The following ZPLD1 variants were observed in gnomAD, a reference collection of about 807,000 sequenced individuals.
ZPLD1 encodes zona pellucida-like domain-containing protein 1.
Under a neutral mutation model 47.2 loss-of-function variants are expected in ZPLD1, and 34 were observed. The observed-to-expected ratio is 0.72, with a 90% CI of 0.55 to 0.96. ZPLD1 has a LOEUF of 0.96. ZPLD1 is among the 40% of genes least tolerant of loss of function. ZPLD1 has a pLI of 0.00. For synonymous variants in ZPLD1, 176 were observed against 186.2 expected (o/e 0.95, Z 0.45); for missense variants, 512 against 505.8 (o/e 1.01, Z -0.12).
chr3:102,458,520 A>G (rs569669857), intron 6 of ZPLD1, among the ~76,000 whole-genome samples: 2 of 152,326 alleles, frequency 1.3e-5, no homozygotes, highest in South Asian at 2.1e-4. Context: ...TTTTCAATCT[A>G]TCAACCAACA....
intron 7 of ZPLD1, among the ~76,000 whole-genome samples, chr3:102,407,233 T>C (rs1248584898): frequency 6.6e-6 from 1 of 151,036 alleles, no homozygotes; most frequent in Non-Finnish European, 1.5e-5. Context: ...CTGAAAAGTC[T>C]TCATTCTTCC....
chr3:102,438,649 A>G, intron 3 of ZPLD1, 56 bp downstream of exon 3: 3 of 1,344,832 alleles, frequency 2.2e-6, no homozygotes, highest in Non-Finnish European at 3.2e-6. Context: ...ATTATATTTG[A>G]AGAGCAAGTC....
At chr3:102,429,541 TG>T (rs937790436) in intron 8 of ZPLD1, among the ~76,000 whole-genome samples, 6 of 152,180 alleles carry the variant, frequency 3.9e-5, no homozygotes, top group Non-Finnish European at 7.4e-5. Flanking sequence ...TTTACTGGAT[TG>T]GGGGGGAAAG....
rs975465699 is a variant in ZPLD1 at position 102,469,070 on chromosome 3, T to G, written c.868T>G (p.Ser290Ala). Residue 290 changes from serine to alanine, a missense_variant, in exon 9 of 12, where the codon TCC becomes GCC. By Grantham distance (99) the Ser-to-Ala change is moderately conservative. Transcript: ENST00000466937. ...TGTGAAACACAAGAATCAGAAAATG[T>G]CCACTGTCTTCTTGCACTGCGTTAC... Reference protein sequence around the residue: ...RFVKHKNQKMSTVFLHCVTKL... With the variant: ...RFVKHKNQKMATVFLHCVTKL... 6.2e-7 allele frequency: 1 copy of G among 1,614,066 alleles called. No homozygotes were observed. Among genetic ancestry groups the G allele is most frequent in the African/African-American group, 1.3e-5 (1 of 74,940 alleles).
At chr3:102,437,764 T>G (rs1342055386) in intron 2 of ZPLD1, among the ~76,000 whole-genome samples, 1 of 152,226 alleles carries the variant, frequency 6.6e-6, no homozygotes, top group African/African-American at 2.4e-5. Context: ...TAAAAAAATC[T>G]TCCATTACTT....
chr3:102,429,096 A>G (rs936042131), intron 8 of ZPLD1, among the ~76,000 whole-genome samples: 9 of 152,160 alleles, frequency 5.9e-5, no homozygotes, highest in African/African-American at 2.2e-4. Context: ...ATTTGCAGCC[A>G]TCATGCAACA....
chr3:102,405,978 T>C (rs1706676581), intron 7 of ZPLD1, among the ~76,000 whole-genome samples: 1 of 152,012 alleles, frequency 6.6e-6, no homozygotes, highest in South Asian at 2.1e-4. Flanking sequence ...AAAGCTATTT[T>C]GTTTTTATTT....
chr3:102,440,439 G>T (rs908518712), intron 3 of ZPLD1, among the ~76,000 whole-genome samples: 2 of 152,092 alleles, frequency 1.3e-5, no homozygotes, highest in African/African-American at 2.4e-5. Flanking sequence ...TTTTTAACTG[G>T]AACAACTGGA....
intron 6 of ZPLD1, among the ~76,000 whole-genome samples, chr3:102,389,669 G>C (rs1445068883): frequency 1.3e-5 from 2 of 152,126 alleles, no homozygotes; most frequent in Non-Finnish European, 2.9e-5. Context: ...TTTTGTATGG[G>C]TCTAGGTTAA....
chr3:102,470,840 G>A (rs1707672836), intron 10 of ZPLD1, among the ~76,000 whole-genome samples: 1 of 151,996 alleles, frequency 6.6e-6, no homozygotes, highest in South Asian at 2.1e-4. Flanking sequence ...GTGCAGTGGT[G>A]TGATCTCGGC....
intron 7 of ZPLD1, among the ~76,000 whole-genome samples, chr3:102,393,686 A>G (rs1193074154): frequency 6.6e-6 from 1 of 152,232 alleles, no homozygotes; most frequent in East Asian, 1.9e-4. Flanking sequence ...CTTAGGTTTG[A>G]AAGCTAGTTT....
intron 9 of ZPLD1, 53 bp downstream of exon 9, chr3:102,469,188 G>A (rs894652349): frequency 7.8e-6 from 12 of 1,542,486 alleles, no homozygotes; most frequent in East Asian, 2.3e-5. Flanking sequence ...TAAGCTGAAA[G>A]GTTATCAAAT....
At chr3:102,461,467 G>C (rs1325734372) in intron 6 of ZPLD1, among the ~76,000 whole-genome samples, 3 of 151,896 alleles carry the variant, frequency 2.0e-5, no homozygotes, top group African/African-American at 4.8e-5. Context: ...CCAAAATAAG[G>C]GTAGAAAAGT....
chr3:102,446,529 C>G (rs1246991814), intron 3 of ZPLD1, among the ~76,000 whole-genome samples: 1 of 152,048 alleles, frequency 6.6e-6, no homozygotes, highest in Non-Finnish European at 1.5e-5. Context: ...GCTTGAATGT[C>G]TCATATGTAA....
chr3:102,476,600 G>A (rs774103094), intron 10 of ZPLD1, among the ~76,000 whole-genome samples: 19 of 151,994 alleles, frequency 1.3e-4, no homozygotes, highest in African/African-American at 3.6e-4. Flanking sequence ...TGAATATTCC[G>A]TATAACAGAA....
At chr3:102,411,900 A>G (rs1480393591) in intron 7 of ZPLD1, among the ~76,000 whole-genome samples, 2 of 151,788 alleles carry the variant, frequency 1.3e-5, no homozygotes, top group Non-Finnish European at 2.9e-5. Flanking sequence ...ATCAATTTAT[A>G]TATCTATCTA....
chr3:102,443,036 G>C (rs1707205066), intron 3 of ZPLD1, among the ~76,000 whole-genome samples: 3 of 152,168 alleles, frequency 2.0e-5, no homozygotes, highest in Admixed American at 1.3e-4. Flanking sequence ...TGGCCTTTGT[G>C]ACTAGTGTAT....
chr3:102,406,987 A>G (rs1359313251), intron 7 of ZPLD1, among the ~76,000 whole-genome samples: 1 of 151,902 alleles, frequency 6.6e-6, no homozygotes, highest in African/African-American at 2.4e-5. Flanking sequence ...TTGTGATTAC[A>G]TATCCAAGTG....
chr3:102,437,516 C>T (rs1707108178), intron 2 of ZPLD1, among the ~76,000 whole-genome samples: 1 of 152,060 alleles, frequency 6.6e-6, no homozygotes, highest in African/African-American at 2.4e-5. Flanking sequence ...TTGAGTAAAC[C>T]ACTTGCAATT....
Sources: allele counts gnomAD v4.1 joint callset (sites outside exome capture counted in the v4.1 genomes callset), GRCh38; gene constraint gnomAD v4.1.1; transcripts MANE v1.5; gene names NCBI Gene and HGNC (gene_info 2026-07-23, HGNC 2026-07-21).